DMD: variants seen among roughly 807,000 people sequenced by gnomAD.
The protein encoded by DMD is dystrophin.
DMD carries 63 observed loss-of-function variants against 330.1 expected under a neutral mutation model. That is an observed-to-expected ratio of 0.19 (90% confidence interval 0.16 to 0.24). The LOEUF (loss-of-function observed/expected upper bound fraction) is 0.24, where lower values mean the gene tolerates loss of function less well. Ranked by LOEUF, DMD falls within the 10% of genes least tolerant of loss-of-function variation. DMD has a pLI of 1.00. For missense variants in DMD, 3,344 were observed against 2,684.1 expected (o/e 1.25, Z -5.43); for synonymous variants, 1,223 against 959.8 (o/e 1.27, Z -5.07).
chrX:31,515,402 T>A (rs1270409603), intron 55 of DMD, among the ~76,000 whole-genome samples: 1 of 111,625 alleles, frequency 9.0e-6, no homozygotes, highest in East Asian at 2.8e-4. Context: ...AGAATAACAA[T>A]AAGTGACCAA....
At chrX:32,206,606 T>C in intron 44 of DMD, 1 of 658,043 alleles carries the variant, frequency 1.5e-6, no homozygotes, top group South Asian at 2.2e-5. Flanking sequence ...AAAGCAAAAA[T>C]GCAAGCAAGT....
intron 2 of DMD, among the ~76,000 whole-genome samples, chrX:32,866,659 T>A (rs1253813632): frequency 1.9e-5 from 2 of 102,600 alleles, no homozygotes; most frequent in African/African-American, 3.6e-5. Context: ...AATAGTTTTG[T>A]CAGTTTCATA....
intron 62 of DMD, among the ~76,000 whole-genome samples, chrX:31,286,694 TA>T (rs1281826393): frequency 1.8e-5 from 2 of 112,700 alleles, no homozygotes; most frequent in Non-Finnish European, 3.8e-5. Flanking sequence ...GTATGCACAT[TA>T]AAATTTGAGA....
chrX:31,543,745 A>G (rs184942327), intron 55 of DMD, among the ~76,000 whole-genome samples: 1 of 111,803 alleles, frequency 8.9e-6, no homozygotes, highest in East Asian at 2.8e-4. Flanking sequence ...TATGAGAGTG[A>G]TGAAGAAAGT....
At chrX:32,897,063 AT>A (rs1157281341) in intron 2 of DMD, among the ~76,000 whole-genome samples, 1 of 106,328 alleles carries the variant, frequency 9.4e-6, no homozygotes, top group South Asian at 4.6e-4. Flanking sequence ...ACAAAAATAT[AT>A]TTTTTTCATC....
At chrX:31,977,690 T>C (rs2095445722) in intron 44 of DMD, among the ~76,000 whole-genome samples, 1 of 109,339 alleles carries the variant, frequency 9.1e-6, no homozygotes, top group South Asian at 3.9e-4. Flanking sequence ...TTATCTGTTG[T>C]ATGGTAATAC....
At chrX:31,132,362 T>G (rs1224180283) in intron 77 of DMD, among the ~76,000 whole-genome samples, 2 of 111,967 alleles carry the variant, frequency 1.8e-5, no homozygotes, top group Non-Finnish European at 3.8e-5. Flanking sequence ...GTGCAAAGGA[T>G]TTCACCTTAC....
chrX:33,012,272 A>T (rs1234373274), intron 2 of DMD, among the ~76,000 whole-genome samples: 2 of 111,846 alleles, frequency 1.8e-5, no homozygotes. Flanking sequence ...TAGTATAATC[A>T]TCTTGATTCC....
chrX:31,419,878 G>C, intron 60 of DMD, among the ~76,000 whole-genome samples: 1 of 111,854 alleles, frequency 8.9e-6, no homozygotes, highest in Admixed American at 9.5e-5. Context: ...GGATGTATCT[G>C]GGGAGCAAGG....
At chrX:32,292,963 T>C (rs2148487761) in intron 42 of DMD, among the ~76,000 whole-genome samples, 1 of 112,612 alleles carries the variant, frequency 8.9e-6, no homozygotes, top group South Asian at 3.7e-4. Flanking sequence ...ACAATGGTTA[T>C]GGGTGATGTG....
chrX:32,770,811 C>T (rs978262509), intron 7 of DMD, among the ~76,000 whole-genome samples: 1 of 111,609 alleles, frequency 9.0e-6, no homozygotes, highest in African/African-American at 3.3e-5. Context: ...AATAAATATG[C>T]TACACAAAAT....
intron 52 of DMD, among the ~76,000 whole-genome samples, chrX:31,707,564 T>C (rs1428716244): frequency 9.0e-6 from 1 of 110,828 alleles, no homozygotes; most frequent in African/African-American, 3.3e-5. Context: ...CTCAGCATCA[T>C]GCAATACTCC....
chrX:31,146,132 T>A (rs1232085238), intron 76 of DMD, among the ~76,000 whole-genome samples, 159 bp downstream of exon 76: 1 of 112,911 alleles, frequency 8.9e-6, no homozygotes, highest in Non-Finnish European at 1.9e-5. Flanking sequence ...TACACCTTTT[T>A]AGAATTTTCT....
intron 30 of DMD, among the ~76,000 whole-genome samples, chrX:32,403,411 A>T (rs1460809207): frequency 3.6e-5 from 4 of 111,712 alleles, no homozygotes; most frequent in African/African-American, 1.3e-4. Flanking sequence ...TATATGTAGA[A>T]TTTGTAGATA....
chrX:32,239,102 C>T (rs1002644855), intron 43 of DMD, among the ~76,000 whole-genome samples: 3 of 111,567 alleles, frequency 2.7e-5, no homozygotes, highest in Non-Finnish European at 5.7e-5. Context: ...ATTCCTCTTG[C>T]GTCACTCTTC....
chrX:32,656,915 G>A (rs2060615718), intron 9 of DMD, among the ~76,000 whole-genome samples: 1 of 110,867 alleles, frequency 9.0e-6, no homozygotes, highest in Admixed American at 9.7e-5. Flanking sequence ...AATATTCATA[G>A]TTTCAAATAT....
At chrX:32,028,314 T>C (rs773381746) in intron 44 of DMD, among the ~76,000 whole-genome samples, 48 of 110,838 alleles carry the variant, frequency 4.3e-4, no homozygotes, top group Non-Finnish European at 6.8e-4. Flanking sequence ...GTCAAGTGTA[T>C]GAATGGAAGC....
At chrX:31,408,959 C>T (rs1042275814) in intron 60 of DMD, among the ~76,000 whole-genome samples, 22 of 110,549 alleles carry the variant, frequency 2.0e-4, no homozygotes, top group Admixed American at 5.8e-4. Flanking sequence ...AAACATTCCC[C>T]GGTGTGTGAT....
chrX:32,514,530 A>G (rs968442527), intron 18 of DMD, among the ~76,000 whole-genome samples: 5 of 111,924 alleles, frequency 4.5e-5, no homozygotes, highest in African/African-American at 1.6e-4. Context: ...TCACGAGGTC[A>G]GGAGATCGAG....
Sources: allele counts gnomAD v4.1 joint callset (sites outside exome capture counted in the v4.1 genomes callset), GRCh38; gene constraint gnomAD v4.1.1; transcripts MANE v1.5; gene names NCBI Gene and HGNC (gene_info 2026-07-23, HGNC 2026-07-21).